The following PCDH15 variants were observed in gnomAD, a reference collection of about 807,000 sequenced individuals.
The protein encoded by PCDH15 is protocadherin related 15, also known as protocadherin-15.
A neutral mutation model predicts 178.5 loss-of-function variants in PCDH15; 129 were observed. That is an observed-to-expected ratio of 0.72 (90% CI 0.63 to 0.84). PCDH15 has a LOEUF of 0.84. Among genes scored for constraint, PCDH15 ranks in the 40% least tolerant of loss-of-function variants. PCDH15 has a pLI of 0.00. For synonymous variants in PCDH15, 800 were observed against 732.0 expected (o/e 1.09, Z -1.50); for missense variants, 2,230 against 2,099.9 (o/e 1.06, Z -1.21).
At chr10:55,104,168 T>C (rs1842628455) in intron 2 of PCDH15, among the ~76,000 whole-genome samples, 2 of 151,800 alleles carry the variant, frequency 1.3e-5, no homozygotes, top group Admixed American at 6.6e-5. Flanking sequence ...TTCACTTTTC[T>C]TCTCTAGTAA....
At chr10:55,069,261 T>C (rs1436256587) in intron 2 of PCDH15, among the ~76,000 whole-genome samples, 4 of 144,856 alleles carry the variant, frequency 2.8e-5, no homozygotes, top group East Asian at 2.1e-4. Context: ...TTTTTTTTTT[T>C]TTTTCATGTT....
intron 3 of PCDH15, among the ~76,000 whole-genome samples, chr10:54,819,411 G>T (rs1953001721): frequency 6.6e-6 from 1 of 151,578 alleles, no homozygotes; most frequent in African/African-American, 2.4e-5. Context: ...ACAAATAATA[G>T]TTGACTTTCA....
chr10:55,377,491 T>C (rs1371377592), intron 2 of PCDH15, among the ~76,000 whole-genome samples: 2 of 151,960 alleles, frequency 1.3e-5, no homozygotes, highest in East Asian at 3.9e-4. Flanking sequence ...TATATTTAAT[T>C]ACTATATTTT....
rs1036584856 is a variant in PCDH15, at chr10:54,151,746, G to A, written c.1784+1354C>T. The stretch of plus-strand genomic sequence containing the variant: ...TCAAACATATATAATATATTCCTAA[G>A]TAATTAATATATAAATCTCTTGTGT... On this transcript the variant is annotated intron_variant, in intron 14 of 37. Coordinates refer to ENST00000644397, the MANE Select transcript of PCDH15 (RefSeq NM_001384140.1). Among the ~76,000 whole-genome samples, 6 of 152,056 alleles carry A rather than the reference G, an allele frequency of 3.9e-5. No individual in the cohort carries two copies. The East Asian group carries it at 5.8e-4, about 15-fold the overall frequency.
At chr10:54,344,532 TA>T (rs1030206303) in intron 6 of PCDH15, among the ~76,000 whole-genome samples, 1 of 152,118 alleles carries the variant, frequency 6.6e-6, no homozygotes, top group Non-Finnish European at 1.5e-5. Context: ...AATATCTCCC[TA>T]AAAAACATGG....
chr10:55,322,447 G>T (rs914956734), upstream of PCDH15, among the ~76,000 whole-genome samples: 1 of 152,142 alleles, frequency 6.6e-6, no homozygotes, highest in African/African-American at 2.4e-5. Flanking sequence ...CTGGGTAACA[G>T]GCAGAGGCTG....
chr10:53,851,534 T>G (rs2132939535), intron 28 of PCDH15, among the ~76,000 whole-genome samples: 1 of 151,352 alleles, frequency 6.6e-6, no homozygotes, highest in South Asian at 2.1e-4. Flanking sequence ...GAAATGAGCC[T>G]AGGTTCTCTG....
intron 1 of PCDH15, among the ~76,000 whole-genome samples, chr10:54,751,894 G>C (rs1472486991): frequency 6.6e-6 from 1 of 151,918 alleles, no homozygotes; most frequent in Admixed American, 6.6e-5. Flanking sequence ...TATAAAAAGG[G>C]TATCACATTA....
At chr10:54,053,996 T>A (rs1351912052) in intron 18 of PCDH15, among the ~76,000 whole-genome samples, 4 of 151,598 alleles carry the variant, frequency 2.6e-5, no homozygotes, top group African/African-American at 4.8e-5. Context: ...ATATGGAGAG[T>A]GAGAGAGAAA....
chr10:55,453,918 T>C (rs1353144842), intron 2 of PCDH15, among the ~76,000 whole-genome samples: 1 of 152,296 alleles, frequency 6.6e-6, no homozygotes, highest in East Asian at 1.9e-4. Flanking sequence ...TATGAATATT[T>C]GTCATTTTCA....
intron 14 of PCDH15, among the ~76,000 whole-genome samples, chr10:54,147,500 A>G (rs1454225856): frequency 6.6e-6 from 1 of 151,898 alleles, no homozygotes; most frequent in East Asian, 1.9e-4. Context: ...ACAAATAGAA[A>G]CTGAGCAAAA....
rs2088094048 is a variant in PCDH15 at position 53,959,852 on chromosome 10, A to C, written c.3010-8T>G. On this transcript the variant is annotated splice_polypyrimidine_tract_variant and splice_region_variant and intron_variant, in intron 22 of 37. Transcript: ENST00000644397. ...AAAAGCAACCACCACCAACTTAAAA[A>C]GCAATAAAAATTCATGTTAAAGATT... 6.2e-7 allele frequency: 1 copy of C among 1,604,704 alleles called. No homozygotes were observed. Among genetic ancestry groups the C allele is most frequent in the Admixed American group, 1.7e-5 (1 of 60,006 alleles).
intron 2 of PCDH15, among the ~76,000 whole-genome samples, chr10:55,139,371 T>C (rs951633200): frequency 8.8e-6 from 1 of 113,384 alleles, no homozygotes; most frequent in Non-Finnish European, 2.0e-5. Context: ...CCCTAGATCT[T>C]GCAAAATTTT....
At chr10:54,671,346 GGCAAA>G (rs2094666507) in intron 1 of PCDH15, among the ~76,000 whole-genome samples, 1 of 151,978 alleles carries the variant, frequency 6.6e-6, no homozygotes, top group Non-Finnish European at 1.5e-5. Flanking sequence ...ATTTTCCTAA[GGCAAA>G]TCCATCAGCA....
rs541298553 is a variant in PCDH15 at position 53,990,245 on chromosome 10, C to G, written c.2868+5404G>C. Among the ~76,000 whole-genome samples, 16 of 152,138 alleles carry G rather than the reference C, an allele frequency of 1.1e-4. No homozygotes were observed. In the South Asian group the frequency reaches 1.5e-3, roughly 14 times the overall value. On this transcript the variant is annotated intron_variant, in intron 21 of 37. Transcript: ENST00000644397. ...GCAAATAATTCCTCAGGTAGCTCTT[C>G]TAAGCTCTGAAACGCTACAATAGTT...
chr10:55,328,509 G>A (rs763120693), intron 2 of PCDH15, among the ~76,000 whole-genome samples: 1 of 151,408 alleles, frequency 6.6e-6, no homozygotes, highest in Non-Finnish European at 1.5e-5. Context: ...GTAAAAATAC[G>A]GTATTATAAT....
intron 2 of PCDH15, among the ~76,000 whole-genome samples, chr10:55,065,884 G>T (rs965273195): frequency 2.0e-5 from 3 of 151,776 alleles, no homozygotes; most frequent in African/African-American, 7.3e-5. Flanking sequence ...AGAATAATTT[G>T]GTTAAATGGA....
At chr10:54,282,934 A>C (rs1037468565) in intron 8 of PCDH15, among the ~76,000 whole-genome samples, 3 of 152,108 alleles carry the variant, frequency 2.0e-5, no homozygotes, top group Admixed American at 1.3e-4. Context: ...TTATGAGTAA[A>C]ACTTTGTGAC....
intron 27 of PCDH15, 25 bp from the exon 28 acceptor site, chr10:53,857,288 A>T: frequency 6.4e-7 from 1 of 1,569,936 alleles, no homozygotes; most frequent in Non-Finnish European, 8.8e-7. Flanking sequence ...AACAGAATTC[A>T]TTTAATTTTT....
Sources: allele counts gnomAD v4.1 joint callset (sites outside exome capture counted in the v4.1 genomes callset), GRCh38; gene constraint gnomAD v4.1.1; transcripts MANE v1.5; gene names NCBI Gene and HGNC (gene_info 2026-07-23, HGNC 2026-07-21).